FLACC1: variants seen among roughly 807,000 people sequenced by gnomAD.
FLACC1 encodes the protein flagellum associated containing coiled-coil domains 1.
A neutral mutation model predicts 62.8 loss-of-function variants in FLACC1; 66 were observed. The observed-to-expected ratio is 1.05, with a 90% confidence interval of 0.86 to 1.29. The LOEUF is 1.29. Among genes scored for constraint, FLACC1 ranks in the 50% most tolerant of loss-of-function variants. FLACC1 has a pLI of 0.00. For synonymous variants in FLACC1, 156 were observed against 161.0 expected, an observed-to-expected ratio of 0.97 and a Z score of 0.24; for missense variants, 452 against 489.1, an observed-to-expected ratio of 0.92 and a Z score of 0.71.
chr2:201,350,820 G>A (rs1951013923), intron 2 of FLACC1, 38 bp from the exon 3 acceptor site: 1 of 1,562,284 alleles, frequency 6.4e-7, no homozygotes, highest in Non-Finnish European at 8.8e-7. Context: ...CAAGAACATT[G>A]GAAATTCGGA....
upstream of FLACC1, among the ~76,000 whole-genome samples, chr2:201,358,846 T>A (rs1221582605): frequency 6.6e-6 from 1 of 152,140 alleles, no homozygotes; most frequent in African/African-American, 2.4e-5. Context: ...CAGGTGTAAG[T>A]CACCATGCAG....
In FLACC1 at chr2:201,336,180, C is replaced by T. The variant is rs114634981; in HGVS notation, c.525-5347G>A. 3.1e-3 allele frequency among the ~76,000 whole-genome samples: 477 copies of T among 152,236 alleles called. 1 individual carries two copies. Among genetic ancestry groups the T allele is most frequent in the African/African-American group, 0.011 (453 of 41,546 alleles). On this transcript the variant is annotated intron_variant, in intron 7 of 14. Coordinates refer to ENST00000392257, the MANE Select transcript of FLACC1 (RefSeq NM_001127391.3). Reference sequence around the variant, plus strand: ...CTCCCAACCTCCACCTTCAAGTAGGCCCCACCGTCTATTGCTCTCTTCTTT... The same window carrying T: ...CTCCCAACCTCCACCTTCAAGTAGGTCCCACCGTCTATTGCTCTCTTCTTT...
intron 9 of FLACC1, among the ~76,000 whole-genome samples, chr2:201,318,315 C>T (rs982773404): frequency 6.6e-6 from 1 of 152,184 alleles, no homozygotes; most frequent in African/African-American, 2.4e-5. Flanking sequence ...AGACAACCCA[C>T]AGAGTGGGAG....
chr2:201,307,437 T>TA, intron 11 of FLACC1, 82 bp downstream of exon 11: 1 of 1,004,432 alleles, frequency 1.0e-6, no homozygotes, highest in Non-Finnish European at 1.6e-6. Context: ...AAAGATCACC[T>TA]AATTATGGAG....
upstream of FLACC1, among the ~76,000 whole-genome samples, chr2:201,362,080 A>G (rs186791196): frequency 3.7e-4 from 57 of 152,346 alleles, no homozygotes; most frequent in African/African-American, 1.3e-3. Flanking sequence ...AAAACTTACT[A>G]TTAGCCTAAC....
rs1193027772 is a variant in FLACC1, at chr2:201,326,038, A to T, written c.675+4432T>A. Among the ~76,000 whole-genome samples, 1 of 152,260 alleles carries T rather than the reference A, an allele frequency of 6.6e-6. No individual in the cohort carries two copies. The highest frequency in any genetic ancestry group is 2.4e-5 in the African/African-American group (1 of 41,476). On this transcript the variant is annotated intron_variant, in intron 9 of 14. Transcript: ENST00000392257. This position sits in a 1 kb window ranked among gnomAD's most constrained non-coding sequence, Gnocchi z 4.1. ...ACACACAAGTCAATAAATGTGATAC[A>T]TCACATAAACAGAATTGAAAACAAA...
At chr2:201,325,784 A>G (rs1189488711) in intron 9 of FLACC1, among the ~76,000 whole-genome samples, 1 of 152,232 alleles carries the variant, frequency 6.6e-6, no homozygotes, top group East Asian at 1.9e-4. Flanking sequence ...AACAATTCCG[A>G]AAGATTGAGA....
chr2:201,334,122 G>C (rs542014742), intron 7 of FLACC1, among the ~76,000 whole-genome samples: 44 of 152,254 alleles, frequency 2.9e-4, no homozygotes, highest in Admixed American at 1.0e-3. Flanking sequence ...GTGTGAGATG[G>C]TATCTCATTG....
At chr2:201,327,776 A>G (rs149037204) in intron 9 of FLACC1, among the ~76,000 whole-genome samples, 22 of 152,188 alleles carry the variant, frequency 1.4e-4, no homozygotes. Context: ...CTAAAAGTAG[A>G]TTTACCATTC....
intron 12 of FLACC1, among the ~76,000 whole-genome samples, chr2:201,298,881 A>G (rs576560665): frequency 7.2e-5 from 11 of 152,220 alleles, no homozygotes; most frequent in Non-Finnish European, 1.3e-4. Context: ...CAGAGTTTCA[A>G]AGGAGACAGT....
chr2:201,306,063 C>T (rs1462972538), intron 11 of FLACC1, among the ~76,000 whole-genome samples: 2 of 150,378 alleles, frequency 1.3e-5, no homozygotes, highest in Non-Finnish European at 3.0e-5. Context: ...TGCACATGTA[C>T]CCTGGAACTT....
intron 9 of FLACC1, among the ~76,000 whole-genome samples, chr2:201,322,350 C>G (rs897198425): frequency 2.0e-5 from 3 of 151,636 alleles, no homozygotes; most frequent in Non-Finnish European, 4.4e-5. Context: ...CTTTAAGAGA[C>G]CTCTTATCAT....
chr2:201,308,904 G>A (rs1003631203), intron 10 of FLACC1, among the ~76,000 whole-genome samples: 5 of 152,154 alleles, frequency 3.3e-5, no homozygotes, highest in African/African-American at 1.2e-4. Flanking sequence ...GGGCAAACTT[G>A]GACCAAATGA....
intron 9 of FLACC1, among the ~76,000 whole-genome samples, chr2:201,312,117 A>G (rs1489255632): frequency 6.6e-6 from 1 of 152,228 alleles, no homozygotes; most frequent in Non-Finnish European, 1.5e-5. Flanking sequence ...AGGCATCCAA[A>G]TAGGAAAAGA....
rs56074842 is a variant in FLACC1 at position 201,301,627 on chromosome 2, T to C, written c.880-2327A>G. Among the ~76,000 whole-genome samples the C allele has an allele frequency of 6.0e-3, 919 of 152,190 alleles. 2 individuals carry two copies. The highest frequency in any genetic ancestry group is 0.01 in the Non-Finnish European group (700 of 67,994). On this transcript the variant is annotated intron_variant, in intron 11 of 14. Coordinates refer to ENST00000392257, the MANE Select transcript of FLACC1 (RefSeq NM_001127391.3). The stretch of plus-strand genomic sequence containing the variant: ...GAAGAGCAACTCCAAGACACATAAT[T>C]GTCAGATTCACCAAAGTTGAAATGA...
At chr2:201,332,952 T>C (rs1033803621) in intron 7 of FLACC1, among the ~76,000 whole-genome samples, 6 of 152,254 alleles carry the variant, frequency 3.9e-5, no homozygotes, top group Non-Finnish European at 1.5e-5. Context: ...CTTTATCCAT[T>C]GATCAACTGA....
At chr2:201,304,356 T>A (rs1359347559) in intron 11 of FLACC1, among the ~76,000 whole-genome samples, 2 of 152,022 alleles carry the variant, frequency 1.3e-5, no homozygotes, top group African/African-American at 4.8e-5. Context: ...ATAAAATACC[T>A]AGGAATCCAA....
At chr2:201,299,448 C>T (rs1949933149) in intron 11 of FLACC1, 148 bp from the exon 12 acceptor site, 2 of 576,088 alleles carry the variant, frequency 3.5e-6, no homozygotes, top group Non-Finnish European at 6.1e-6. Flanking sequence ...AAACTAGTGA[C>T]ATGACTTGTT....
At chr2:201,314,183 A>G (rs1950268505) in intron 9 of FLACC1, among the ~76,000 whole-genome samples, 1 of 152,194 alleles carries the variant, frequency 6.6e-6, no homozygotes, top group Non-Finnish European at 1.5e-5. Context: ...AAATCACACT[A>G]GCTTACCAGA....
Sources: gnomAD v4.1 joint callset for allele counts (sites outside exome capture counted in the v4.1 genomes callset) on GRCh38, gnomAD v4.1.1 for gene constraint, Gnocchi (gnomAD v3.1) non-coding constraint, MANE v1.5 for transcripts, NCBI Gene and HGNC (gene_info 2026-07-23, HGNC 2026-07-21) for gene names.